SNAPIN: variants seen among roughly 807,000 people sequenced by gnomAD.
The protein encoded by SNAPIN is SNARE-associated protein Snapin.
In SNAPIN, 16 loss-of-function variants were observed where a neutral mutation model predicts 15.9. The ratio of observed to expected loss-of-function variants is 1.01; its 90% CI spans 0.68 to 1.53. The LOEUF (loss-of-function observed/expected upper bound fraction) is 1.53, where lower values mean the gene tolerates loss of function less well. SNAPIN is among the 40% of genes most tolerant of loss of function. SNAPIN has a pLI of 0.00. For missense variants in SNAPIN, 186 were observed against 180.1 expected (o/e 1.03, Z -0.19); for synonymous variants, 83 against 76.2 (o/e 1.09, Z -0.46).
rs1414458952 is a variant in SNAPIN at position 153,661,746 on chromosome 1, C to T, written c.*445C>T. 1 of 159,998 alleles carries T rather than the reference C, an allele frequency of 6.3e-6. No homozygotes were observed. Among genetic ancestry groups the T allele is most frequent in the African/African-American group, 2.4e-5 (1 of 41,538 alleles). 9.9% of individuals were successfully genotyped at this position (159,998 alleles called of 1,614,324 possible). ...CAGGCAAAGTCAAAGTGAATGACCT[C>T]TGTCCACCCACTTTTTTATTGCACT... On this transcript the variant is annotated 3_prime_UTR_variant, in exon 4 of 4. Transcript: ENST00000368685.
In SNAPIN at chr1:153,659,451, T is replaced by G. The variant is rs549165273; in HGVS notation, c.194T>G (p.Leu65Arg). The G allele has an allele frequency of 1.2e-6, 2 of 1,612,540 alleles. No individual in the cohort carries two copies. Among genetic ancestry groups the G allele is most frequent in the Non-Finnish European group, 8.5e-7 (1 of 1,178,556 alleles). ...REQIDNLATE[L>R]CRINEDQKVA... Reference sequence around the variant, plus strand: ...TGCACCTTACTTCCATCCCCAGAACTGTGCCGCATAAATGAGGATCAGAAG... The same window carrying G: ...TGCACCTTACTTCCATCCCCAGAACGGTGCCGCATAAATGAGGATCAGAAG... The change falls in exon 3 of 4, where the codon CTG (leucine) becomes CGG (arginine). Residue 65 changes from leucine (L) to arginine (R), a missense_variant. Transcript: ENST00000368685.
rs996356443 is a variant in SNAPIN at position 153,661,787 on chromosome 1, G to T, written c.*486G>T. Reference sequence around the variant, plus strand: ...TTATTGCACTGGCTTGAATACAGTAGCAGTGTTGATAGAATCATTTTATTC... The same window carrying T: ...TTATTGCACTGGCTTGAATACAGTATCAGTGTTGATAGAATCATTTTATTC... On this transcript the variant is annotated 3_prime_UTR_variant, in exon 4 of 4. Transcript: ENST00000368685. 1 of 157,382 alleles carries T rather than the reference G, an allele frequency of 6.4e-6. No individual in the cohort carries two copies. 9.7% of individuals were successfully genotyped at this position (157,382 alleles called of 1,614,324 possible).
upstream of SNAPIN, chr1:153,658,674 G>C (rs1669069640): frequency 3.5e-6 from 5 of 1,448,260 alleles, no homozygotes; most frequent in Non-Finnish European, 4.5e-6. Context: ...CTCACGGGGC[G>C]GGGCAGTGCG....
rs546703225 is a variant in SNAPIN, at chr1:153,660,374, C to T, written c.309+808C>T. Among the ~76,000 whole-genome samples the T allele has an allele frequency of 3.1e-3, 444 of 142,406 alleles. 1 individual carries two copies. The highest frequency in any genetic ancestry group is 0.011 in the African/African-American group (412 of 38,016). The allele number at this position is 142,406 out of a possible 152,430, so 93.4% of individuals were successfully genotyped here. ...AAATAAAAAGACAGGATCGGCTGGG[C>T]GCGGTGGCTCTTGCCTGTAATCCCA... On this transcript the variant is annotated intron_variant, in intron 3 of 3. Transcript: ENST00000368685.
At chr1:153,661,111 A>G in intron 3 of SNAPIN, 89 bp from the exon 4 acceptor site, 2 of 1,020,732 alleles carry the variant, frequency 2.0e-6, no homozygotes, top group Admixed American at 1.8e-5. Flanking sequence ...TTTGAGGTAG[A>G]TCACGCCCGG....
Position 153,658,706 on chromosome 1 carries a change from G to A in SNAPIN, c.-38G>A. ...TGCGGCGCGGCTCCGGTTCCCGGCG[G>A]CCCTCGCGGCAGGTTTCGGGCTTCA... On this transcript the variant is annotated 5_prime_UTR_variant, in exon 1 of 4. Transcript: ENST00000368685. The A allele has an allele frequency of 6.7e-7, 1 of 1,491,358 alleles. No homozygotes were observed. The highest frequency in any genetic ancestry group is 8.9e-7 in the Non-Finnish European group (1 of 1,127,926). 92.4% of individuals were successfully genotyped at this position (1,491,358 alleles called of 1,614,324 possible).
intron 3 of SNAPIN, among the ~76,000 whole-genome samples, chr1:153,660,693 G>T (rs895528165): frequency 6.7e-6 from 1 of 149,676 alleles, no homozygotes; most frequent in Admixed American, 6.7e-5. Context: ...TCACTATGGT[G>T]CCCAGGCTGT....
At position 153,661,522 on chromosome 1, in the gene SNAPIN, G is replaced by T; in HGVS notation, c.*221G>T. 2.7e-6 allele frequency: 1 copy of T among 370,276 alleles called. No individual in the cohort carries two copies. Among genetic ancestry groups the T allele is most frequent in the East Asian group, 4.6e-5 (1 of 21,890 alleles). The allele number at this position is 370,276 out of a possible 1,614,324, so 22.9% of individuals were successfully genotyped here. Reference sequence around the variant, plus strand: ...TTCCCAAAGGACTTACATTAATTATGGCTCTTGCTTCCTTTCACAAATGAG... The same window carrying T: ...TTCCCAAAGGACTTACATTAATTATTGCTCTTGCTTCCTTTCACAAATGAG... On this transcript the variant is annotated 3_prime_UTR_variant, in exon 4 of 4. Coordinates refer to ENST00000368685, the MANE Select transcript of SNAPIN (RefSeq NM_012437.6).
At chr1:153,660,589 G>C (rs1326950302) in intron 3 of SNAPIN, among the ~76,000 whole-genome samples, 2 of 150,994 alleles carry the variant, frequency 1.3e-5, no homozygotes, top group Non-Finnish European at 1.5e-5. Flanking sequence ...CGGAGGTTGC[G>C]GTGAGCTGAG....
At chr1:153,660,605 A>C (rs536624472) in intron 3 of SNAPIN, among the ~76,000 whole-genome samples, 1 of 145,882 alleles carries the variant, frequency 6.9e-6, no homozygotes, top group South Asian at 2.2e-4. Context: ...CTGAGATCGC[A>C]CCATTGCACT....
chr1:153,659,586 A>G lies in SNAPIN; in HGVS notation c.309+20A>G, dbSNP rs1669098281. On this transcript the variant is annotated intron_variant, in intron 3 of 3. Transcript: ENST00000368685. ...GCTCAGGTAAAAGAATATCTTACCAACAGTGATTCTTTGCCCTTTTTTGTA... is the reference window on the plus strand; with the variant it reads ...GCTCAGGTAAAAGAATATCTTACCAGCAGTGATTCTTTGCCCTTTTTTGTA... 1 of 1,530,032 alleles carries G rather than the reference A, an allele frequency of 6.5e-7. No individual in the cohort carries two copies. Among genetic ancestry groups the G allele is most frequent in the African/African-American group, 1.4e-5 (1 of 73,408 alleles). 94.8% of individuals were successfully genotyped at this position (1,530,032 alleles called of 1,614,324 possible). A position where few individuals can be genotyped will look rare whatever the true frequency, so the allele number is the denominator to read the frequency against.
Position 153,661,460 on chromosome 1 carries a change from A to G in SNAPIN, c.*159A>G. The G allele has an allele frequency of 2.0e-6, 1 of 509,070 alleles. No homozygotes were observed. Among genetic ancestry groups the G allele is most frequent in the South Asian group, 2.7e-5 (1 of 36,462 alleles). 31.5% of individuals were successfully genotyped at this position (509,070 alleles called of 1,614,324 possible). ...AGCACTTCGTCTTACCCATTTATGT[A>G]GGGGCCCCAGGAAACCTACACACAG... On this transcript the variant is annotated 3_prime_UTR_variant, in exon 4 of 4. Transcript: ENST00000368685.
chr1:153,660,370 T>A (rs892682487), intron 3 of SNAPIN, among the ~76,000 whole-genome samples: 1 of 146,956 alleles, frequency 6.8e-6, no homozygotes, highest in Non-Finnish European at 1.5e-5. Flanking sequence ...CAGGATCGGC[T>A]GGGCGCGGTG....
Position 153,659,493 on chromosome 1 carries a change from A to AC in SNAPIN, c.240dup (p.Tyr81LeufsTer3). On this transcript the variant is annotated frameshift_variant, in exon 3 of 4. Coordinates refer to ENST00000368685, the MANE Select transcript of SNAPIN (RefSeq NM_012437.6). LOFTEE classifies it high-confidence loss of function. ...GATCAGAAGGTGGCCCTGGATCTTG[A>AC]CCCCTATGTTAAGAAGCTACTTAAT... 1 of 1,613,990 alleles carries AC rather than the reference A, an allele frequency of 6.2e-7. No individual in the cohort carries two copies. The highest frequency in any genetic ancestry group is 1.1e-5 in the South Asian group (1 of 91,078).
Position 153,658,730 on chromosome 1 carries a change from C to T in SNAPIN, c.-14C>T. The T allele has an allele frequency of 6.5e-7, 1 of 1,546,570 alleles. No individual in the cohort carries two copies. On this transcript the variant is annotated 5_prime_UTR_variant, in exon 1 of 4. Coordinates refer to ENST00000368685, the MANE Select transcript of SNAPIN (RefSeq NM_012437.6). ...GGCCCTCGCGGCAGGTTTCGGGCTT[C>T]AGGACAATTCGTGATGGCGGGGGCT... is the stretch of plus-strand genomic sequence containing the variant.
chr1:153,659,025 G>T, intron 1 of SNAPIN, 113 bp from the exon 2 acceptor site: 2 of 1,549,506 alleles, frequency 1.3e-6, no homozygotes, highest in Admixed American at 1.8e-5. Flanking sequence ...AAGGCCGCAG[G>T]TGGAGGGTTC....
In SNAPIN at chr1:153,661,193, C is replaced by A; in HGVS notation, c.310-7C>A. On this transcript the variant is annotated splice_region_variant and splice_polypyrimidine_tract_variant and intron_variant, in intron 3 of 3. Coordinates refer to ENST00000368685, the MANE Select transcript of SNAPIN (RefSeq NM_012437.6). ...GGTTAAGATTCCAAACCTTCCTTGT[C>A]TTGTAGGAACGACTGAGACGGCTAA... is the stretch of plus-strand genomic sequence containing the variant. 1 of 1,612,374 alleles carries A rather than the reference C, an allele frequency of 6.2e-7. No homozygotes were observed. Among genetic ancestry groups the A allele is most frequent in the South Asian group, 1.1e-5 (1 of 91,048 alleles).
Position 153,659,513 on chromosome 1 carries a change from C to G in SNAPIN, c.256C>G (p.Leu86Val). The G allele has an allele frequency of 6.2e-7, 1 of 1,614,138 alleles. No individual in the cohort carries two copies. Among genetic ancestry groups the G allele is most frequent in the Non-Finnish European group, 8.5e-7 (1 of 1,179,998 alleles). ...LDLDPYVKKL[L>V]NARRRVVLVN... Reference sequence around the variant, plus strand: ...TCTTGACCCCTATGTTAAGAAGCTACTTAATGCCCGGCGACGCGTTGTCTT... The same window carrying G: ...TCTTGACCCCTATGTTAAGAAGCTAGTTAATGCCCGGCGACGCGTTGTCTT... Residue 86 changes from leucine to valine, a missense_variant, in exon 3 of 4, where the codon CTT (leucine) becomes GTT (valine). Leu to Val is a conservative substitution (Grantham distance 32). Coordinates refer to ENST00000368685, the MANE Select transcript of SNAPIN (RefSeq NM_012437.6).
intron 3 of SNAPIN, 28 bp downstream of exon 3, chr1:153,659,594 T>G: frequency 6.6e-7 from 1 of 1,516,540 alleles, no homozygotes; most frequent in South Asian, 1.1e-5. Flanking sequence ...CAACAGTGAT[T>G]CTTTGCCCTT....
Sources: allele counts gnomAD v4.1 joint callset (sites outside exome capture counted in the v4.1 genomes callset), GRCh38; gene constraint gnomAD v4.1.1; transcripts MANE v1.5; gene names NCBI Gene and HGNC (gene_info 2026-07-23, HGNC 2026-07-21).